PCDHA9: variants seen among roughly 807,000 people sequenced by gnomAD.
PCDHA9 encodes protocadherin alpha-9.
Under a neutral mutation model 62.0 loss-of-function variants are expected in PCDHA9, and 62 were observed. The ratio of observed to expected loss-of-function variants is 1.00; its 90% CI spans 0.81 to 1.23. The LOEUF is 1.23. Ranked by LOEUF, PCDHA9 falls within the 50% of genes most tolerant of loss-of-function variation. The pLI, the probability that PCDHA9 is intolerant of heterozygous loss-of-function variation, is 0.00. For missense variants in PCDHA9, 1,205 were observed against 1,249.8 expected, an observed-to-expected ratio of 0.96 and a Z score of 0.54; for synonymous variants, 557 against 567.6, an observed-to-expected ratio of 0.98 and a Z score of 0.27.
chr5:140,883,414 T>C, intron 1 of PCDHA9: 1 of 1,614,170 alleles, frequency 6.2e-7, no homozygotes, highest in South Asian at 1.1e-5. Flanking sequence ...CTGGCTCAAA[T>C]GGACAGGTCA....
intron 1 of PCDHA9, among the ~76,000 whole-genome samples, chr5:140,897,200 T>C (rs1462263623): frequency 1.3e-5 from 2 of 152,172 alleles, no homozygotes; most frequent in African/African-American, 4.8e-5. Context: ...TTTTTTATTA[T>C]ACTTTAAGTT....
intron 1 of PCDHA9, among the ~76,000 whole-genome samples, chr5:140,896,047 G>T (rs1369678792): frequency 6.6e-6 from 1 of 152,138 alleles, no homozygotes; most frequent in Non-Finnish European, 1.5e-5. Context: ...CTGACCTCAG[G>T]TGATCCGCCT....
intron 1 of PCDHA9, among the ~76,000 whole-genome samples, chr5:140,965,644 G>A (rs201197561): frequency 6.6e-6 from 1 of 152,028 alleles, no homozygotes; most frequent in African/African-American, 2.4e-5. Flanking sequence ...AATTACTCTT[G>A]AAAGAAAATG....
At chr5:140,948,237 T>C (rs532703710) in intron 1 of PCDHA9, among the ~76,000 whole-genome samples, 1 of 151,810 alleles carries the variant, frequency 6.6e-6, no homozygotes, top group South Asian at 2.1e-4. Flanking sequence ...ACTTGTATTT[T>C]AGTAAATATT....
intron 3 of PCDHA9, among the ~76,000 whole-genome samples, chr5:140,989,700 C>T (rs1367211310): frequency 6.6e-6 from 1 of 152,178 alleles, no homozygotes; most frequent in East Asian, 1.9e-4. Flanking sequence ...AAAATTTTAT[C>T]TTCAGAGGCA....
At chr5:140,931,975 T>C (rs2087911858) in intron 1 of PCDHA9, among the ~76,000 whole-genome samples, 1 of 151,962 alleles carries the variant, frequency 6.6e-6, no homozygotes, top group Non-Finnish European at 1.5e-5. Flanking sequence ...CATATGTGTT[T>C]ATATTTTGCT....
chr5:140,875,040 T>G (rs1369679625), intron 1 of PCDHA9, among the ~76,000 whole-genome samples: 1 of 152,234 alleles, frequency 6.6e-6, no homozygotes, highest in East Asian at 1.9e-4. Context: ...ATTTGAAAGA[T>G]TTCTACTTTG....
chr5:140,875,858 A>T, intron 1 of PCDHA9: 1 of 1,613,908 alleles, frequency 6.2e-7, no homozygotes, highest in Non-Finnish European at 8.5e-7. Flanking sequence ...ATTAACGACA[A>T]CCCGCCGGTG....
At chr5:140,876,968 T>C (rs782613091) in intron 1 of PCDHA9, 1 of 1,608,986 alleles carries the variant, frequency 6.2e-7, no homozygotes, top group Non-Finnish European at 8.5e-7. Context: ...GAGCGGCGGG[T>C]GGGCGAGCAC....
In PCDHA9 at chr5:141,010,099, G is replaced by T; in HGVS notation, c.*162G>T. 5 of 1,612,768 alleles carry T rather than the reference G, an allele frequency of 3.1e-6. No individual in the cohort carries two copies. The highest frequency in any genetic ancestry group is 4.2e-6 in the Non-Finnish European group (5 of 1,179,316). On this transcript the variant is annotated 3_prime_UTR_variant, in exon 4 of 4. Coordinates refer to ENST00000532602, the MANE Select transcript of PCDHA9 (RefSeq NM_031857.2). ...GTGTCTGTCTAGAACGCATTTAACA[G>T]GTTTTGTCGTAAAAGCTTTACTAAG...
intron 3 of PCDHA9, among the ~76,000 whole-genome samples, chr5:141,002,329 A>C (rs2098072323): frequency 6.6e-6 from 1 of 152,226 alleles, no homozygotes; most frequent in Non-Finnish European, 1.5e-5. Context: ...GCCGGGCTGC[A>C]TCCGCACCCC....
At chr5:140,950,546 C>G (rs1323652854) in intron 1 of PCDHA9, among the ~76,000 whole-genome samples, 4 of 151,970 alleles carry the variant, frequency 2.6e-5, no homozygotes, top group Non-Finnish European at 4.4e-5. Flanking sequence ...TCTTGCATGG[C>G]TGGGGGGACA....
chr5:140,928,458 T>C lies in PCDHA9; in HGVS notation c.2395-50491T>C, dbSNP rs1030560254. On this transcript the variant is annotated intron_variant, in intron 1 of 3. Coordinates refer to ENST00000532602, the MANE Select transcript of PCDHA9 (RefSeq NM_031857.2). Reference sequence around the variant, plus strand: ...ACTTTGAGCAGCTCAGGGGGTTTCATTTCCAAGTAGAAGGCCGGGATGGTG... The same window carrying C: ...ACTTTGAGCAGCTCAGGGGGTTTCACTTCCAAGTAGAAGGCCGGGATGGTG... 3.1e-6 allele frequency: 5 copies of C among 1,614,048 alleles called. No homozygotes were observed. In the African/African-American group the frequency reaches 5.3e-5, roughly 17 times the overall value.
chr5:140,874,818 T>C (rs1169923118), intron 1 of PCDHA9, among the ~76,000 whole-genome samples: 8 of 152,256 alleles, frequency 5.3e-5, no homozygotes, highest in Admixed American at 5.2e-4. Flanking sequence ...ACAATTTATA[T>C]AAATGAAATA....
chr5:140,927,959 G>A lies in PCDHA9; in HGVS notation c.2395-50990G>A. On this transcript the variant is annotated intron_variant, in intron 1 of 3. Transcript: ENST00000532602. ...CCAGTACCTGAGGACGCTGCCCCTG[G>A]CACAGTGATTGCTCTCTTTAGTGTA... 1 of 1,614,190 alleles carries A rather than the reference G, an allele frequency of 6.2e-7. No individual in the cohort carries two copies. Among genetic ancestry groups the A allele is most frequent in the East Asian group, 2.2e-5 (1 of 44,886 alleles).
intron 1 of PCDHA9, chr5:140,966,733 C>T: frequency 7.1e-7 from 1 of 1,416,484 alleles, no homozygotes; most frequent in Non-Finnish European, 9.2e-7. Context: ...CCGCCTCCGG[C>T]CCTGCCCGGC....
intron 1 of PCDHA9, among the ~76,000 whole-genome samples, chr5:140,952,753 A>T (rs782624078): frequency 4.6e-5 from 7 of 152,194 alleles, no homozygotes; most frequent in Non-Finnish European, 1.0e-4. Context: ...CTATAAAAAC[A>T]CCTGAGACTG....
chr5:140,902,114 A>G (rs2069112413), intron 1 of PCDHA9, among the ~76,000 whole-genome samples: 1 of 151,286 alleles, frequency 6.6e-6, no homozygotes. Flanking sequence ...TTTTTTTAAA[A>G]CTGAGATTAT....
chr5:141,010,096 A>G lies in PCDHA9; in HGVS notation c.*159A>G. The G allele has an allele frequency of 6.2e-7, 1 of 1,612,840 alleles. No individual in the cohort carries two copies. Among genetic ancestry groups the G allele is most frequent in the Non-Finnish European group, 8.5e-7 (1 of 1,179,378 alleles). ...CCTGTGTCTGTCTAGAACGCATTTA[A>G]CAGGTTTTGTCGTAAAAGCTTTACT... On this transcript the variant is annotated 3_prime_UTR_variant, in exon 4 of 4. Transcript: ENST00000532602.
Sources: gnomAD v4.1 joint callset for allele counts (sites outside exome capture counted in the v4.1 genomes callset) on GRCh38, gnomAD v4.1.1 for gene constraint, MANE v1.5 for transcripts, NCBI Gene and HGNC (gene_info 2026-07-23, HGNC 2026-07-21) for gene names.